Variants in BCL11A observed in about 807,000 individuals in gnomAD.
The protein encoded by BCL11A is B cell CLL/lymphoma 11A.
BCL11A carries 2 observed loss-of-function variants against 55.9 expected under a neutral mutation model. That is an observed-to-expected ratio of 0.04 (90% CI 0.01 to 0.11). BCL11A has a LOEUF of 0.11. Among genes scored for constraint, BCL11A ranks in the 10% least tolerant of loss-of-function variants. The pLI is 1.00. For missense variants in BCL11A, 817 were observed against 1,137.1 expected (o/e 0.72, Z 4.05); for synonymous variants, 465 against 473.4 (o/e 0.98, Z 0.23).
chr2:60,455,057 C>T (rs1484881628), downstream of BCL11A, among the ~76,000 whole-genome samples: 2 of 152,178 alleles, frequency 1.3e-5, no homozygotes, highest in East Asian at 3.9e-4. Context: ...GAGAGGATAG[C>T]AAATGGGTTC....
At chr2:60,487,862 G>A (rs1370482128) in intron 2 of BCL11A, among the ~76,000 whole-genome samples, 1 of 152,200 alleles carries the variant, frequency 6.6e-6, no homozygotes, top group African/African-American at 2.4e-5. Context: ...CTAAATATAT[G>A]AAGAGGAACA....
chr2:60,514,582 C>T (rs559671269), intron 2 of BCL11A, among the ~76,000 whole-genome samples: 1 of 149,884 alleles, frequency 6.7e-6, no homozygotes, highest in African/African-American at 2.5e-5. Context: ...GCAGGAGAAT[C>T]ACTTGAACCT....
intron 2 of BCL11A, among the ~76,000 whole-genome samples, chr2:60,502,139 C>T (rs1209620596): frequency 6.6e-6 from 1 of 152,048 alleles, no homozygotes; most frequent in African/African-American, 2.4e-5. Context: ...CAATGCAACT[C>T]AAGACTATCA....
intron 2 of BCL11A, among the ~76,000 whole-genome samples, chr2:60,478,674 T>C (rs924744816): frequency 6.6e-6 from 1 of 152,274 alleles, no homozygotes; most frequent in Non-Finnish European, 1.5e-5. Flanking sequence ...AAAAATGGTC[T>C]AGCAGGTCAG....
At chr2:60,471,726 C>T (rs1320470193) in intron 2 of BCL11A, among the ~76,000 whole-genome samples, 3 of 152,128 alleles carry the variant, frequency 2.0e-5, no homozygotes, top group Admixed American at 2.0e-4. Flanking sequence ...AGTGGGTGAT[C>T]TAGTTATGTC....
chr2:60,553,616 C>A lies in BCL11A; in HGVS notation c.-346G>T. The A allele has an allele frequency of 2.8e-6, 1 of 354,532 alleles. No individual in the cohort carries two copies. The highest frequency in any genetic ancestry group is 4.8e-5 in the South Asian group (1 of 20,686). The allele number at this position is 354,532 out of a possible 1,614,324, so 22.0% of individuals were successfully genotyped here. ...AAGTTCAAGTGCGGACGTGACGTCCCTGCGAACTTGAACGTCAGGAGTCTG... is the reference window on the plus strand; with the variant it reads ...AAGTTCAAGTGCGGACGTGACGTCCATGCGAACTTGAACGTCAGGAGTCTG... On this transcript the variant is annotated 5_prime_UTR_variant, in exon 1 of 4. The change creates a new upstream start codon in the 5' untranslated region. Coordinates refer to ENST00000642384, the MANE Select transcript of BCL11A (RefSeq NM_022893.4).
intron 1 of BCL11A, chr2:60,551,051 G>A (rs1471148054): frequency 5.8e-5 from 23 of 397,362 alleles, no homozygotes; most frequent in East Asian, 3.9e-4. Flanking sequence ...AGGGCCCAGT[G>A]AAAAATTAAA....
chr2:60,541,689 C>G (rs1490215722), intron 2 of BCL11A: 3 of 478,642 alleles, frequency 6.3e-6, no homozygotes, highest in Non-Finnish European at 1.1e-5. Context: ...ATTCTCTACT[C>G]TCTGGATTTT....
At chr2:60,490,428 C>G (rs1447897303) in intron 2 of BCL11A, among the ~76,000 whole-genome samples, 1 of 152,222 alleles carries the variant, frequency 6.6e-6, no homozygotes, top group Non-Finnish European at 1.5e-5. Flanking sequence ...GTTCCCCGTA[C>G]CCATCAAGGA....
intron 2 of BCL11A, among the ~76,000 whole-genome samples, chr2:60,494,059 G>A (rs1248575168): frequency 1.3e-5 from 2 of 152,164 alleles, no homozygotes; most frequent in Admixed American, 6.5e-5. Context: ...ATGCAAGGGG[G>A]AGAAACTGAA....
chr2:60,550,760 C>G (rs775395839), intron 1 of BCL11A: 331 of 398,644 alleles, frequency 8.3e-4, no homozygotes, highest in Non-Finnish European at 1.2e-3. Context: ...GAGGGAGCAG[C>G]CTGGACTGCG....
At chr2:60,511,671 T>G (rs1403477889) in intron 2 of BCL11A, among the ~76,000 whole-genome samples, 1 of 152,220 alleles carries the variant, frequency 6.6e-6, no homozygotes, top group Non-Finnish European at 1.5e-5. Flanking sequence ...TGTTGCACCA[T>G]TTCATGAAAA....
exon 5 of BCL11A, chr2:60,451,902 A>G (rs2103738367): frequency 4.4e-6 from 1 of 229,620 alleles, no homozygotes; most frequent in Non-Finnish European, 8.6e-6. Flanking sequence ...ATTAATAAAC[A>G]GCAATATTAC....
At chr2:60,501,508 T>A (rs1358023576) in intron 2 of BCL11A, among the ~76,000 whole-genome samples, 8 of 135,566 alleles carry the variant, frequency 5.9e-5, no homozygotes, top group African/African-American at 2.8e-4. Flanking sequence ...CCGCTTTCTT[T>A]TTTTTTTTTT....
At chr2:60,517,278 T>G (rs997808767) in intron 2 of BCL11A, among the ~76,000 whole-genome samples, 1 of 152,232 alleles carries the variant, frequency 6.6e-6, no homozygotes, top group African/African-American at 2.4e-5. Context: ...TCCAGTTATC[T>G]GAATAAAAAA....
intron 2 of BCL11A, among the ~76,000 whole-genome samples, chr2:60,504,109 T>A (rs1008130183): frequency 5.9e-5 from 9 of 152,074 alleles, no homozygotes; most frequent in African/African-American, 2.2e-4. Context: ...CCCCATGACA[T>A]AGGGCCCTGG....
chr2:60,466,058 C>G (rs1428675975), intron 3 of BCL11A, among the ~76,000 whole-genome samples: 2 of 152,194 alleles, frequency 1.3e-5, no homozygotes, highest in African/African-American at 2.4e-5. Context: ...TCTGGACCCC[C>G]ACAACCCACT....
At chr2:60,490,686 A>G (rs1678580263) in intron 2 of BCL11A, among the ~76,000 whole-genome samples, 2 of 152,056 alleles carry the variant, frequency 1.3e-5, no homozygotes, top group Admixed American at 1.3e-4. Flanking sequence ...AATTAATTTC[A>G]TGTGTTCCCA....
At position 60,515,869 on chromosome 2, in the gene BCL11A, G is replaced by A. The variant is rs78206198; in HGVS notation, c.385+30102C>T. ...GTGAGGTCTTACTGTGGGGATTACCGAGTCACCACCAGGCTGCGCTGAACA... is the reference window on the plus strand; with the variant it reads ...GTGAGGTCTTACTGTGGGGATTACCAAGTCACCACCAGGCTGCGCTGAACA... On this transcript the variant is annotated intron_variant, in intron 2 of 3. Transcript: ENST00000642384. Among the ~76,000 whole-genome samples, 72 of 152,268 alleles carry A rather than the reference G, an allele frequency of 4.7e-4. 1 individual carries two copies. The East Asian group carries it at 0.013, about 27-fold the overall frequency.
Sources: allele counts gnomAD v4.1 joint callset (sites outside exome capture counted in the v4.1 genomes callset), GRCh38; gene constraint gnomAD v4.1.1; transcripts MANE v1.5; gene names NCBI Gene and HGNC (gene_info 2026-07-23, HGNC 2026-07-21).